SRRT: variants seen among roughly 807,000 people sequenced by gnomAD.
SRRT encodes serrate RNA effector molecule homolog.
Under a neutral mutation model 103.2 loss-of-function variants are expected in SRRT, and 32 were observed. That is an observed-to-expected ratio of 0.31 (90% confidence interval 0.23 to 0.42). The LOEUF is 0.42. SRRT is among the 10% of genes least tolerant of loss of function. The pLI is 1.00. For synonymous variants in SRRT, 525 were observed against 449.0 expected, an observed-to-expected ratio of 1.17 and a Z score of -2.14; for missense variants, 986 against 1,207.5, an observed-to-expected ratio of 0.82 and a Z score of 2.72.
At position 100,881,767 on chromosome 7, in the gene SRRT, C is replaced by T. The variant is rs139233965; in HGVS notation, c.360C>T (p.Val120=). Residue 120 remains valine (V), a synonymous_variant, in exon 4 of 20, where the codon GTC becomes GTT. Transcript: ENST00000611405. The stretch of plus-strand genomic sequence containing the variant: ...CTCAGCCCTGGGGCCACCCTGACGT[C>T]CACATCATGCAGCACCATGTCCTGC... ...GPPQPWGHPD[V]HIMQHHVLPI... The T allele has an allele frequency of 8.7e-6, 14 of 1,613,440 alleles. No individual in the cohort carries two copies. In the South Asian group the frequency reaches 1.4e-4, roughly 16 times the overall value.
At position 100,888,292 on chromosome 7, in the gene SRRT, C is replaced by T. The variant is rs1173066025; in HGVS notation, c.2464C>T (p.Pro822Ser). 1 of 1,613,076 alleles carries T rather than the reference C, an allele frequency of 6.2e-7. No individual in the cohort carries two copies. The highest frequency in any genetic ancestry group is 8.5e-7 in the Non-Finnish European group (1 of 1,179,152). Residue 822 changes from proline (P) to serine (S), a missense_variant, in exon 19 of 20, where the codon CCT (proline) becomes TCT (serine). Physicochemically the swap from Pro to Ser is moderately conservative, Grantham distance 74. Transcript: ENST00000611405. ...CCGCCCTGCAGTCCCCACAGGAGGC[C>T]CTCCATACCCCCATGCCCCGTATGG... ...AVRPAVPTGG[P>S]PYPHAPYGAG... is the part of the protein sequence containing the mutation.
Position 100,882,015 on chromosome 7 carries a change from C to T in SRRT, c.399-38C>T, listed in dbSNP as rs1789622194. 1 of 1,590,570 alleles carries T rather than the reference C, an allele frequency of 6.3e-7. No individual in the cohort carries two copies. The highest frequency in any genetic ancestry group is 8.5e-7 in the Non-Finnish European group (1 of 1,170,012). ...TGGCCCCTGTAGCCTCCCACCGTTC[C>T]CCAAAAACCAAGCCTTCCTGACCGG... is the stretch of plus-strand genomic sequence containing the variant. On this transcript the variant is annotated intron_variant, in intron 4 of 19. Coordinates refer to ENST00000611405, the MANE Select transcript of SRRT (RefSeq NM_015908.6). This position sits in a 1 kb window ranked among gnomAD's most constrained non-coding sequence, Gnocchi z 4.2.
intron 2 of SRRT, among the ~76,000 whole-genome samples, chr7:100,877,100 A>G (rs906979350): frequency 6.6e-6 from 1 of 151,924 alleles, no homozygotes; most frequent in Admixed American, 6.6e-5. Context: ...GCTTTACCAA[A>G]CATCAAGGCA....
At chr7:100,880,366 G>A (rs972445647) in intron 2 of SRRT, among the ~76,000 whole-genome samples, 1 of 152,080 alleles carries the variant, frequency 6.6e-6, no homozygotes, top group Non-Finnish European at 1.5e-5. Context: ...GCAGTGGCGC[G>A]ATCTCGGCTC....
In SRRT at chr7:100,888,522, T is replaced by TGCCCCAGAC; in HGVS notation, c.2606_2614dup (p.Ala869_Asp871dup). 6.2e-7 allele frequency: 1 copy of TGCCCCAGAC among 1,614,224 alleles called. No individual in the cohort carries two copies. The highest frequency in any genetic ancestry group is 8.5e-7 in the Non-Finnish European group (1 of 1,180,044). The stretch of plus-strand genomic sequence containing the variant: ...CCATTGTGGAATATCGGGACCTGGA[T>TGCCCCAGAC]GCCCCAGACGATGTTGATTTCTTTT... On this transcript the variant is annotated inframe_insertion, in exon 20 of 20. Transcript: ENST00000611405.
Position 100,884,971 on chromosome 7 carries a change from G to A in SRRT, c.1090G>A (p.Glu364Lys). 5 of 1,614,098 alleles carry A rather than the reference G, an allele frequency of 3.1e-6. No individual in the cohort carries two copies. The highest frequency in any genetic ancestry group is 3.4e-6 in the Non-Finnish European group (4 of 1,180,010). ...GCACAGTGGTGACGACAGCTTTGACGAGGGCAGCGTGTCAGAGTCTGAGTC... is the reference window on the plus strand; with the variant it reads ...GCACAGTGGTGACGACAGCTTTGACAAGGGCAGCGTGTCAGAGTCTGAGTC... ...RKHSGDDSFD[E>K]GSVSESESES... The change falls in exon 9 of 20, where the codon GAG becomes AAG. Residue 364 changes from glutamate (E) to lysine (K), a missense_variant. Physicochemically the swap from Glu to Lys is moderately conservative, Grantham distance 56 (BLOSUM62 1). Around this residue, in one of 6 missense-constraint regions of SRRT, gnomAD observed 166 missense variants for 148.6 expected, o/e 1.12. Transcript: ENST00000611405.
At position 100,875,562 on chromosome 7, in the gene SRRT, C is replaced by G. The variant is rs373187491; in HGVS notation, c.-18-11C>G. On this transcript the variant is annotated splice_polypyrimidine_tract_variant and intron_variant, in intron 1 of 19. Transcript: ENST00000611405. Reference sequence around the variant, plus strand: ...TTTGCACCACTCCTACCGCCTCTCCCCGGTCCCCAGGCCCCCTCAGACCGT... The same window carrying G: ...TTTGCACCACTCCTACCGCCTCTCCGCGGTCCCCAGGCCCCCTCAGACCGT... The G allele has an allele frequency of 1.1e-5, 17 of 1,613,142 alleles. No individual in the cohort carries two copies. The highest frequency in any genetic ancestry group is 1.4e-5 in the Non-Finnish European group (16 of 1,179,534).
rs1487276171 is a variant in SRRT at position 100,887,741 on chromosome 7, T to C, written c.2208T>C (p.His736=). 1 of 1,613,496 alleles carries C rather than the reference T, an allele frequency of 6.2e-7. No individual in the cohort carries two copies. Residue 736 remains histidine, a synonymous_variant, in exon 17 of 20, where the codon CAT becomes CAC. Transcript: ENST00000611405. This position sits in a 1 kb window ranked among gnomAD's most constrained non-coding sequence, Gnocchi z 4.1. ...EFVRKHIFNK[H]AEKIEEVKKE... ...TGCGCAAACATATCTTCAACAAGCA[T>C]GCAGAGAAAATTGAGGAAGTGAAAA...
At chr7:100,875,771 C>A in intron 2 of SRRT, 59 bp downstream of exon 2, 1 of 1,600,338 alleles carries the variant, frequency 6.2e-7, no homozygotes, top group Non-Finnish European at 8.5e-7. Flanking sequence ...CCACCCGCGT[C>A]GCTTTTCTTT....
chr7:100,882,159 G>A lies in SRRT; in HGVS notation c.505G>A (p.Val169Ile), dbSNP rs756307207. 3 of 1,614,164 alleles carry A rather than the reference G, an allele frequency of 1.9e-6. No homozygotes were observed. Among genetic ancestry groups the A allele is most frequent in the East Asian group, 2.2e-5 (1 of 44,886 alleles). Residue 169 changes from valine to isoleucine, a missense_variant, in exon 5 of 20, where the codon GTC (valine) becomes ATC (isoleucine). Physicochemically the swap from Val to Ile is conservative, Grantham distance 29. This residue lies in a region of SRRT where 274 missense variants were observed against 358.5 expected (regional missense o/e 0.76). Transcript: ENST00000611405. The surrounding 1 kb of genome is among the most constrained non-coding windows in gnomAD (Gnocchi z 4.2). ...TGACTCGGTGGATGAGACGGAGGCC[G>A]TCAAGCGCTATAATGACTACAAGCT... ...LDDSVDETEA[V>I]KRYNDYKLDF...
Position 100,885,555 on chromosome 7 carries a change from G to A in SRRT, c.1318-146G>A. 9.1e-7 allele frequency: 1 copy of A among 1,100,718 alleles called. No homozygotes were observed. The allele number at this position is 1,100,718 out of a possible 1,614,324, so 68.2% of individuals were successfully genotyped here. ...ATTGGCTTTCAGGTGCTGGTGTTCT[G>A]AAGCCCTTTAGTGGTTTTTCCCTGC... On this transcript the variant is annotated intron_variant, in intron 10 of 19. Transcript: ENST00000611405. This position sits in a 1 kb window ranked among gnomAD's most constrained non-coding sequence, Gnocchi z 4.8.
chr7:100,880,640 G>T (rs1563013780), intron 2 of SRRT: 9 of 380,936 alleles, frequency 2.4e-5, no homozygotes, highest in South Asian at 1.7e-4. Flanking sequence ...AATTTGAGGG[G>T]GTGATGGACT....
intron 5 of SRRT, chr7:100,883,207 C>T (rs1789740659): frequency 6.6e-6 from 1 of 152,590 alleles, no homozygotes; most frequent in Non-Finnish European, 1.5e-5. Flanking sequence ...GTCCTAATCT[C>T]TCAGCACCTT....
chr7:100,882,455 C>A lies in SRRT; in HGVS notation c.587+214C>A, dbSNP rs915088133. ...GCCCTGTCTCCTGTCCTGCTGTCCT[C>A]AGAGAGTGGGACACCTCCAGGCAGC... is the stretch of plus-strand genomic sequence containing the variant. On this transcript the variant is annotated intron_variant, in intron 5 of 19. Transcript: ENST00000611405. The surrounding 1 kb of genome is among the most constrained non-coding windows in gnomAD (Gnocchi z 4.2). 16 of 529,420 alleles carry A rather than the reference C, an allele frequency of 3.0e-5. No homozygotes were observed. Among genetic ancestry groups the A allele is most frequent in the Middle Eastern group, 5.2e-4 (1 of 1,934 alleles). The allele number at this position is 529,420 out of a possible 1,614,324, so 32.8% of individuals were successfully genotyped here. A position where few individuals can be genotyped will look rare whatever the true frequency, so the allele number is the denominator to read the frequency against.
In SRRT at chr7:100,887,606, G is replaced by C; in HGVS notation, c.2169+93G>C. On this transcript the variant is annotated intron_variant, in intron 16 of 19. Transcript: ENST00000611405. The surrounding 1 kb of genome is among the most constrained non-coding windows in gnomAD (Gnocchi z 4.1). The stretch of plus-strand genomic sequence containing the variant: ...GGCAGGGGTGGGGGAACTGCTTACT[G>C]CACTGGCAGGCGGGAGCTGGGAATC... 6.3e-7 allele frequency: 1 copy of C among 1,577,856 alleles called. No individual in the cohort carries two copies. The highest frequency in any genetic ancestry group is 8.6e-7 in the Non-Finnish European group (1 of 1,158,324).
rs779225341 is a variant in SRRT at position 100,885,084 on chromosome 7, G to A, written c.1159+44G>A. 6.2e-7 allele frequency: 1 copy of A among 1,611,412 alleles called. No homozygotes were observed. Among genetic ancestry groups the A allele is most frequent in the Middle Eastern group, 1.7e-4 (1 of 6,024 alleles). On this transcript the variant is annotated intron_variant, in intron 9 of 19. Coordinates refer to ENST00000611405, the MANE Select transcript of SRRT (RefSeq NM_015908.6). This position sits in a 1 kb window ranked among gnomAD's most constrained non-coding sequence, Gnocchi z 4.8. ...TTTAAAGTGCGTTCTCCTAATGCGG[G>A]TGGGGAGGTGAGAGGTTGGCGACAT...
In SRRT at chr7:100,887,794, T is replaced by C; in HGVS notation, c.2261T>C (p.Leu754Pro). 2 of 1,613,392 alleles carry C rather than the reference T, an allele frequency of 1.2e-6. No individual in the cohort carries two copies. Among genetic ancestry groups the C allele is most frequent in the Non-Finnish European group, 1.7e-6 (2 of 1,179,394 alleles). Residue 754 changes from leucine to proline, a missense_variant, in exon 17 of 20, where the codon CTC (leucine) becomes CCC (proline). Leu to Pro is a moderately conservative substitution (Grantham distance 98). Transcript: ENST00000611405. This position sits in a 1 kb window ranked among gnomAD's most constrained non-coding sequence, Gnocchi z 4.1. ...KKEVAFFNNF[L>P]TDAKRPALPE... ...GAAGTCGCGTTTTTTAACAACTTCC[T>C]CACTGATGCTAAGCGCCCAGCTCTG...
Position 100,884,394 on chromosome 7 carries a change from G to A in SRRT, c.784G>A (p.Glu262Lys). The stretch of plus-strand genomic sequence containing the variant: ...CGTGATTAAGATGGAAGGAGGCACG[G>A]AGAATGATCTTCGCATCCTGGAGCA... The part of the protein sequence containing the change: ...AAVIKMEGGT[E>K]NDLRILEQEE... Residue 262 changes from glutamate (E) to lysine (K), a missense_variant, in exon 7 of 20, where the codon GAG becomes AAG. Physicochemically the swap from Glu to Lys is moderately conservative, Grantham distance 56. This residue lies in a region of SRRT where 274 missense variants were observed against 358.5 expected (regional missense o/e 0.76). Transcript: ENST00000611405. 1 of 1,613,798 alleles carries A rather than the reference G, an allele frequency of 6.2e-7. No individual in the cohort carries two copies. Among genetic ancestry groups the A allele is most frequent in the Non-Finnish European group, 8.5e-7 (1 of 1,179,914 alleles).
rs369110545 is a variant in SRRT, at chr7:100,885,995, C to T, written c.1458+54C>T. 2.0e-5 allele frequency: 32 copies of T among 1,574,068 alleles called. No individual in the cohort carries two copies. The highest frequency in any genetic ancestry group is 5.5e-5 in the South Asian group (5 of 90,144). ...AGAGGAAGGGAGACTCTGTGCCACA[C>T]GGGACCTCTGTGTGACTTTGTTCAT... On this transcript the variant is annotated intron_variant, in intron 12 of 19. Transcript: ENST00000611405. The surrounding 1 kb of genome is among the most constrained non-coding windows in gnomAD (Gnocchi z 4.8).
Sources: allele counts gnomAD v4.1 joint callset (sites outside exome capture counted in the v4.1 genomes callset), GRCh38; gene constraint gnomAD v4.1.1; regional missense constraint gnomAD v4.1.1; non-coding constraint Gnocchi (gnomAD v3.1); transcripts MANE v1.5; gene names NCBI Gene and HGNC (gene_info 2026-07-23, HGNC 2026-07-21).